Variants in CCDC102B observed in about 807,000 individuals in gnomAD.
CCDC102B encodes coiled-coil domain-containing protein 102B.
CCDC102B carries 75 observed loss-of-function variants against 57.4 expected under a neutral mutation model. The observed-to-expected ratio is 1.31, with a 90% confidence interval of 1.08 to 1.58. The LOEUF is 1.58. Ranked by LOEUF, CCDC102B falls within the 40% of genes most tolerant of loss-of-function variation. The probability of loss-of-function intolerance (pLI) is 0.00; values close to 1 mark genes in which losing one functional copy is unlikely to be tolerated. For synonymous variants in CCDC102B, 206 were observed against 201.9 expected (o/e 1.02, Z -0.17); for missense variants, 636 against 582.6 (o/e 1.09, Z -0.94).
chr18:68,997,848 AAT>A (rs2051073193), intron 6 of CCDC102B, among the ~76,000 whole-genome samples: 2 of 39,794 alleles, frequency 5.0e-5, no homozygotes, highest in South Asian at 3.0e-3. Flanking sequence ...ATCATTTAAT[AAT>A]ATGTGTTTTT....
chr18:68,795,001 G>A (rs774129992), upstream of CCDC102B, among the ~76,000 whole-genome samples: 3 of 141,386 alleles, frequency 2.1e-5, no homozygotes, highest in African/African-American at 2.6e-5. Context: ...GATTTTACTG[G>A]TCATTAATTT....
intron 6 of CCDC102B, among the ~76,000 whole-genome samples, chr18:68,918,701 C>A (rs1387428078): frequency 6.6e-6 from 1 of 151,976 alleles, no homozygotes; most frequent in Admixed American, 6.6e-5. Context: ...ATTAAGACAC[C>A]CTTGGGGTTT....
intron 6 of CCDC102B, among the ~76,000 whole-genome samples, chr18:68,971,073 G>A (rs898966830): frequency 2.6e-5 from 4 of 152,060 alleles, no homozygotes; most frequent in African/African-American, 4.8e-5. Flanking sequence ...ACTTTACTGC[G>A]AGAACAGTGT....
At chr18:69,016,788 A>G (rs910312790) in intron 7 of CCDC102B, among the ~76,000 whole-genome samples, 1 of 152,144 alleles carries the variant, frequency 6.6e-6, no homozygotes, top group African/African-American at 2.4e-5. Context: ...ACTCTGCCAT[A>G]ACTTATTTTA....
intron 7 of CCDC102B, among the ~76,000 whole-genome samples, chr18:69,040,873 T>C (rs945525645): frequency 6.6e-6 from 1 of 152,068 alleles, no homozygotes; most frequent in African/African-American, 2.4e-5. Context: ...CTTACCATTT[T>C]GAATCTAATT....
At chr18:68,793,730 T>A (rs2035540827), upstream of CCDC102B, among the ~76,000 whole-genome samples, 1 of 152,148 alleles carries the variant, frequency 6.6e-6, no homozygotes. Flanking sequence ...ATTAATTTAT[T>A]TGCTTTGTTT....
upstream of CCDC102B, among the ~76,000 whole-genome samples, chr18:68,796,192 A>T (rs1036948295): frequency 1.3e-5 from 2 of 152,166 alleles, no homozygotes; most frequent in Non-Finnish European, 2.9e-5. Flanking sequence ...ATCTAGAAAG[A>T]TCATGATGGT....
intron 2 of CCDC102B, among the ~76,000 whole-genome samples, chr18:68,773,034 T>A (rs981504903): frequency 6.6e-6 from 1 of 152,022 alleles, no homozygotes; most frequent in Non-Finnish European, 1.5e-5. Context: ...CATAAAAAGC[T>A]GAATATAAAA....
chr18:68,880,939 T>C (rs1364777008), intron 5 of CCDC102B, among the ~76,000 whole-genome samples: 2 of 152,238 alleles, frequency 1.3e-5, no homozygotes, highest in African/African-American at 2.4e-5. Flanking sequence ...GGTTGAGGCA[T>C]TTCTTTCTGT....
intron 1 of CCDC102B, among the ~76,000 whole-genome samples, chr18:68,803,073 C>T (rs2035911457): frequency 6.6e-6 from 1 of 152,152 alleles, no homozygotes; most frequent in Non-Finnish European, 1.5e-5. Context: ...GTTAACCTCA[C>T]TTAAAACTGT....
intron 5 of CCDC102B, among the ~76,000 whole-genome samples, chr18:68,876,041 G>A (rs547924844): frequency 6.6e-6 from 1 of 152,106 alleles, no homozygotes; most frequent in South Asian, 2.1e-4. Flanking sequence ...CATAACTTTT[G>A]TTTTCTAAGA....
At chr18:68,961,037 T>C (rs931996524) in intron 6 of CCDC102B, among the ~76,000 whole-genome samples, 1 of 152,312 alleles carries the variant, frequency 6.6e-6, no homozygotes, top group South Asian at 2.1e-4. Flanking sequence ...ATATAAGTAA[T>C]TAACTCCTTC....
At chr18:68,850,162 A>G (rs1445249770) in intron 4 of CCDC102B, among the ~76,000 whole-genome samples, 1 of 152,188 alleles carries the variant, frequency 6.6e-6, no homozygotes, top group Non-Finnish European at 1.5e-5. Flanking sequence ...TTTCTGCAGC[A>G]AGAGTCAATA....
At chr18:68,958,028 C>A (rs777178657) in intron 6 of CCDC102B, among the ~76,000 whole-genome samples, 1 of 152,128 alleles carries the variant, frequency 6.6e-6, no homozygotes, top group Non-Finnish European at 1.5e-5. Flanking sequence ...GGAGGCCTCA[C>A]AATCATGGCA....
chr18:69,019,529 T>C (rs185751568), intron 7 of CCDC102B, among the ~76,000 whole-genome samples: 50 of 152,188 alleles, frequency 3.3e-4, no homozygotes, highest in Admixed American at 3.0e-3. Context: ...GTTCAGATAG[T>C]TTGTTTTTGG....
chr18:69,004,152 G>A lies in CCDC102B; in HGVS notation c.1264-6782G>A, dbSNP rs191183721. Among the ~76,000 whole-genome samples, 149 of 152,256 alleles carry A rather than the reference G, an allele frequency of 9.8e-4. 1 individual carries two copies. Among genetic ancestry groups the A allele is most frequent in the African/African-American group, 3.4e-3 (143 of 41,536 alleles). ...TTTTGCTAGGAAATTTAATTGTGTA[G>A]GGTACATATTCTAAAGTGACAGCCA... On this transcript the variant is annotated intron_variant, in intron 6 of 7. Transcript: ENST00000360242.
At position 68,755,931 on chromosome 18, in the gene CCDC102B, T is replaced by G. The variant is rs1028027626; in HGVS notation, c.-67+39337T>G. 2.0e-5 allele frequency among the ~76,000 whole-genome samples: 3 copies of G among 151,684 alleles called. No individual in the cohort carries two copies. In the South Asian group the frequency reaches 6.2e-4, roughly 32 times the overall value. ...GAAACATTTCACATACTGTTCTAAATAAATATCAAACTGTAGATAAAAGAG... is the reference window on the plus strand; with the variant it reads ...GAAACATTTCACATACTGTTCTAAAGAAATATCAAACTGTAGATAAAAGAG... On this transcript the variant is annotated intron_variant, in intron 2 of 3. Transcript: ENST00000578970.
chr18:68,991,272 G>A (rs2050861021), intron 6 of CCDC102B, among the ~76,000 whole-genome samples: 1 of 152,106 alleles, frequency 6.6e-6, no homozygotes, highest in Non-Finnish European at 1.5e-5. Flanking sequence ...AGTTTACTCT[G>A]TGCAGAAACA....
chr18:68,962,719 A>T (rs1386916769), intron 6 of CCDC102B, among the ~76,000 whole-genome samples: 1 of 151,988 alleles, frequency 6.6e-6, no homozygotes, highest in East Asian at 1.9e-4. Flanking sequence ...TAAAATTCAA[A>T]TCCTATTTCT....
Sources: allele counts gnomAD v4.1 joint callset (sites outside exome capture counted in the v4.1 genomes callset), GRCh38; gene constraint gnomAD v4.1.1; transcripts MANE v1.5; gene names NCBI Gene and HGNC (gene_info 2026-07-23, HGNC 2026-07-21).